The following ARHGAP22 variants were observed in gnomAD, a reference collection of about 807,000 sequenced individuals.
ARHGAP22 encodes the protein Rho GTPase activating protein 22.
Under a neutral mutation model 59.1 loss-of-function variants are expected in ARHGAP22, and 48 were observed. The observed-to-expected ratio is 0.81, with a 90% CI of 0.64 to 1.03. The LOEUF (loss-of-function observed/expected upper bound fraction) is 1.03, where lower values mean the gene tolerates loss of function less well. Ranked by LOEUF, ARHGAP22 falls within the 50% of genes least tolerant of loss-of-function variation. The pLI is 0.00. For missense variants in ARHGAP22, 1,015 were observed against 958.7 expected (o/e 1.06, Z -0.78); for synonymous variants, 445 against 416.4 (o/e 1.07, Z -0.84).
intron 1 of ARHGAP22, among the ~76,000 whole-genome samples, chr10:48,583,941 G>T (rs76408448): frequency 0.032 from 4,908 of 152,168 alleles, 241 homozygotes; most frequent in African/African-American, 0.11. Context: ...CCCCACCGAG[G>T]TTGGTGCTGC....
intron 1 of ARHGAP22, among the ~76,000 whole-genome samples, chr10:48,651,790 C>T (rs1589339315): frequency 6.6e-6 from 1 of 152,148 alleles, no homozygotes; most frequent in African/African-American, 2.4e-5. Flanking sequence ...ATAGTTACCT[C>T]CCAGACACTT....
chr10:48,604,962 G>C lies in ARHGAP22; in HGVS notation c.-166C>G. 1 of 1,506,434 alleles carries C rather than the reference G, an allele frequency of 6.6e-7. No homozygotes were observed. The highest frequency in any genetic ancestry group is 8.8e-7 in the Non-Finnish European group (1 of 1,131,480). The allele number at this position is 1,506,434 out of a possible 1,614,324, so 93.3% of individuals were successfully genotyped here. A position where few individuals can be genotyped will look rare whatever the true frequency, so the allele number is the denominator to read the frequency against. On this transcript the variant is annotated 5_prime_UTR_variant, in exon 1 of 10. Transcript: ENST00000249601. ...TCGGCTACCTCTCCTGGCTCCGGAC[G>C]GACGGCTCGCCTTGGACTACATAAA...
At chr10:48,537,470 G>A (rs567103873) in intron 3 of ARHGAP22, among the ~76,000 whole-genome samples, 1 of 152,376 alleles carries the variant, frequency 6.6e-6, no homozygotes, top group Admixed American at 6.5e-5. Context: ...CCCATCAGGG[G>A]AGGCCTGGTT....
chr10:48,451,282 G>A (rs1409532938), intron 8 of ARHGAP22, 142 bp from the exon 9 acceptor site: 3 of 1,179,228 alleles, frequency 2.5e-6, no homozygotes, highest in East Asian at 2.5e-5. Flanking sequence ...GCCTTCATCC[G>A]CCCAGAGGAA....
intron 1 of ARHGAP22, among the ~76,000 whole-genome samples, chr10:48,628,309 C>A (rs1360945473): frequency 6.6e-6 from 1 of 152,244 alleles, no homozygotes; most frequent in Admixed American, 6.5e-5. Context: ...AGGCACCTAC[C>A]ACACACCAGG....
At chr10:48,553,620 A>G (rs2057077937) in intron 3 of ARHGAP22, among the ~76,000 whole-genome samples, 1 of 152,162 alleles carries the variant, frequency 6.6e-6, no homozygotes, top group South Asian at 2.1e-4. Flanking sequence ...GGATGTTGGG[A>G]GTATTGTGGG....
At chr10:48,563,227 T>G (rs1237390074) in intron 2 of ARHGAP22, among the ~76,000 whole-genome samples, 2 of 133,494 alleles carry the variant, frequency 1.5e-5, no homozygotes, top group African/African-American at 5.6e-5. Flanking sequence ...GTATTCTTGC[T>G]CTGTGCCCCA....
intron 3 of ARHGAP22, among the ~76,000 whole-genome samples, chr10:48,537,549 A>G (rs1001288567): frequency 2.6e-5 from 4 of 152,222 alleles, no homozygotes; most frequent in Non-Finnish European, 4.4e-5. Flanking sequence ...TTTATTGAGC[A>G]TCTGCTGTGT....
intron 2 of ARHGAP22, among the ~76,000 whole-genome samples, chr10:48,582,286 C>A (rs2059164094): frequency 6.6e-6 from 1 of 152,234 alleles, no homozygotes; most frequent in Admixed American, 6.5e-5. Context: ...GATACCCTTT[C>A]TCTCTCTGAA....
rs1252021389 is a variant in ARHGAP22, at chr10:48,450,662, G to C, written c.1467C>G (p.Leu489=). Reference sequence around the variant, plus strand: ...GCGCGGGCACATTGTCGTAGGTGGAGAGTCTCTGCACGGAGCCCGAGTCCT... The same window carrying C: ...GCGCGGGCACATTGTCGTAGGTGGACAGTCTCTGCACGGAGCCCGAGTCCT... The part of the protein sequence containing the change: ...RLKDSGSVQR[L]STYDNVPAPG... Residue 489 remains leucine, a synonymous_variant, in exon 9 of 10, where the codon CTC becomes CTG. Transcript: ENST00000249601. The C allele has an allele frequency of 6.4e-7, 1 of 1,550,464 alleles. No homozygotes were observed. Among genetic ancestry groups the C allele is most frequent in the Admixed American group, 2.0e-5 (1 of 51,076 alleles).
intron 3 of ARHGAP22, among the ~76,000 whole-genome samples, chr10:48,511,323 T>C (rs2052744727): frequency 6.6e-6 from 1 of 152,200 alleles, no homozygotes; most frequent in Admixed American, 6.5e-5. Context: ...CTCAGGCACA[T>C]GCTCAGTGGC....
intron 1 of ARHGAP22, among the ~76,000 whole-genome samples, chr10:48,636,285 G>A (rs1021589221): frequency 8.5e-5 from 13 of 152,244 alleles, no homozygotes; most frequent in African/African-American, 2.9e-4. Flanking sequence ...GACATTCAGG[G>A]TGTCTGGGTC....
At position 48,557,255 on chromosome 10, in the gene ARHGAP22, G is replaced by A. The variant is rs1429384950; in HGVS notation, c.235-1705C>T. On this transcript the variant is annotated intron_variant, in intron 2 of 9. Transcript: ENST00000249601. ...CTGGCTAACGGGATGCATCTTGGGCGTTTGCTGTTTCAGTAACAGAGTCCC... is the reference window on the plus strand; with the variant it reads ...CTGGCTAACGGGATGCATCTTGGGCATTTGCTGTTTCAGTAACAGAGTCCC... Among the ~76,000 whole-genome samples, 6 of 152,054 alleles carry A rather than the reference G, an allele frequency of 3.9e-5. No homozygotes were observed. In the East Asian group the frequency reaches 5.8e-4, roughly 15 times the overall value.
At chr10:48,599,270 G>C (rs550854376) in intron 1 of ARHGAP22, among the ~76,000 whole-genome samples, 2 of 152,262 alleles carry the variant, frequency 1.3e-5, no homozygotes, top group Admixed American at 1.3e-4. Flanking sequence ...GCAAACAAAA[G>C]TGACCCTGGG....
intron 1 of ARHGAP22, among the ~76,000 whole-genome samples, chr10:48,590,841 G>A (rs1050122592): frequency 1.0e-4 from 15 of 146,066 alleles, no homozygotes; most frequent in Non-Finnish European, 2.0e-4. Context: ...GAAATTCAGC[G>A]CATGGGCAGG....
At chr10:48,486,580 T>A (rs2049883759) in intron 3 of ARHGAP22, among the ~76,000 whole-genome samples, 1 of 152,182 alleles carries the variant, frequency 6.6e-6, no homozygotes, top group Non-Finnish European at 1.5e-5. Context: ...CCTCAGATGA[T>A]CCACCCGTTT....
At position 48,446,571 on chromosome 10, in the gene ARHGAP22, T is replaced by C; in HGVS notation, c.1917A>G (p.Glu639=). ...TTTTCTTTTCCTGGTCCAGTTCTTC[T>C]TCTAACCGGGACATTCGTTTTCTCA... ...ADLRKRMSRL[E]EELDQEKKKY... is the part of the protein sequence containing the mutation. Residue 639 remains glutamate, a synonymous_variant, in exon 10 of 10, where the codon GAA becomes GAG. Transcript: ENST00000249601. 6.2e-7 allele frequency: 1 copy of C among 1,614,232 alleles called. No individual in the cohort carries two copies.
intron 1 of ARHGAP22, among the ~76,000 whole-genome samples, chr10:48,629,092 A>C (rs557961815): frequency 1.3e-5 from 2 of 152,362 alleles, no homozygotes; most frequent in Admixed American, 6.5e-5. Context: ...ACTAGCTCCC[A>C]GCTGCTAACA....
chr10:48,459,531 G>T (rs1486889046), intron 5 of ARHGAP22, among the ~76,000 whole-genome samples, 153 bp downstream of exon 5: 1 of 152,206 alleles, frequency 6.6e-6, no homozygotes, highest in Non-Finnish European at 1.5e-5. Flanking sequence ...GGCTGGCGGA[G>T]TGAGGGTGTG....
Sources: gnomAD v4.1 joint callset for allele counts (sites outside exome capture counted in the v4.1 genomes callset) on GRCh38, gnomAD v4.1.1 for gene constraint, MANE v1.5 for transcripts, NCBI Gene and HGNC (gene_info 2026-07-23, HGNC 2026-07-21) for gene names.